NEO1: variants seen among roughly 807,000 people sequenced by gnomAD.
NEO1 encodes neogenin 1.
A neutral mutation model predicts 159.7 loss-of-function variants in NEO1; 63 were observed. That is an observed-to-expected ratio of 0.39 (90% CI 0.32 to 0.49). The LOEUF (loss-of-function observed/expected upper bound fraction) is 0.49, where lower values mean the gene tolerates loss of function less well. Ranked by LOEUF, NEO1 falls within the 20% of genes least tolerant of loss-of-function variation. The pLI is 0.85. For missense variants in NEO1, 1,615 were observed against 1,831.0 expected, an observed-to-expected ratio of 0.88 and a Z score of 2.15; for synonymous variants, 633 against 662.0, an observed-to-expected ratio of 0.96 and a Z score of 0.67.
At position 73,236,612 on chromosome 15, in the gene NEO1, T is replaced by C; in HGVS notation, c.1451+106T>C. 3.1e-6 allele frequency: 3 copies of C among 955,562 alleles called. No individual in the cohort carries two copies. The South Asian group carries it at 4.5e-5, about 14-fold the overall frequency. The allele number at this position is 955,562 out of a possible 1,614,324, so 59.2% of individuals were successfully genotyped here. ...CTGTACCAATTTTTAGTCCAGAAAA[T>C]AAGATCACTGAGATGCACCTTCCCT... On this transcript the variant is annotated intron_variant, in intron 8 of 28. Coordinates refer to ENST00000261908, the MANE Select transcript of NEO1 (RefSeq NM_002499.4).
At chr15:73,069,489 A>C (rs1022407394) in intron 1 of NEO1, among the ~76,000 whole-genome samples, 1 of 151,888 alleles carries the variant, frequency 6.6e-6, no homozygotes, top group Non-Finnish European at 1.5e-5. Context: ...AGATTGTTGA[A>C]TATCAATTAA....
At chr15:73,078,800 T>C (rs747789930) in intron 1 of NEO1, among the ~76,000 whole-genome samples, 3 of 152,258 alleles carry the variant, frequency 2.0e-5, no homozygotes, top group Admixed American at 6.5e-5. Context: ...GGTTAACCTC[T>C]CTGTGCTTTA....
At chr15:73,100,670 C>G (rs950274063) in intron 1 of NEO1, among the ~76,000 whole-genome samples, 1 of 152,140 alleles carries the variant, frequency 6.6e-6, no homozygotes, top group African/African-American at 2.4e-5. Flanking sequence ...TTGTCACTTT[C>G]AACTCATCTG....
At chr15:73,052,333 C>T (rs1049240067), upstream of NEO1, among the ~76,000 whole-genome samples, 13 of 144,916 alleles carry the variant, frequency 9.0e-5, no homozygotes, top group Admixed American at 4.8e-4. Flanking sequence ...CGTCCGCGGT[C>T]TCCGCCCCCC....
intron 7 of NEO1, among the ~76,000 whole-genome samples, chr15:73,203,388 T>C (rs929831717): frequency 5.3e-5 from 8 of 152,168 alleles, no homozygotes; most frequent in Non-Finnish European, 1.0e-4. Context: ...AGACAGCACA[T>C]AGTTTGTCTT....
At chr15:73,197,791 C>T (rs2036622293) in intron 7 of NEO1, among the ~76,000 whole-genome samples, 1 of 151,534 alleles carries the variant, frequency 6.6e-6, no homozygotes, top group South Asian at 2.1e-4. Flanking sequence ...AGATATTCTC[C>T]TGCCTCAGCC....
chr15:73,272,505 C>G lies in NEO1; in HGVS notation c.2908C>G (p.Pro970Ala). The part of the protein sequence containing the change: ...DVTVVSKEGK[P>A]KTIIVNWQPP... ...GACTGTTGTGAGTAAAGAGGGGAAACCTAAGACCATAATTGTGAATTGGCA... is the reference window on the plus strand; with the variant it reads ...GACTGTTGTGAGTAAAGAGGGGAAAGCTAAGACCATAATTGTGAATTGGCA... Residue 970 changes from proline to alanine, a missense_variant, in exon 19 of 29, where the codon CCT becomes GCT. Pro to Ala is a conservative substitution (Grantham distance 27). This residue lies in a region of NEO1 where 126 missense variants were observed against 216.7 expected (regional missense o/e 0.58). Transcript: ENST00000261908. 1.9e-6 allele frequency: 3 copies of G among 1,614,034 alleles called. No individual in the cohort carries two copies. The highest frequency in any genetic ancestry group is 2.5e-6 in the Non-Finnish European group (3 of 1,179,938).
At chr15:73,176,643 T>C in intron 6 of NEO1, 86 bp downstream of exon 6, 2 of 996,784 alleles carry the variant, frequency 2.0e-6, no homozygotes, top group Non-Finnish European at 2.8e-6. Context: ...TTATCTTATA[T>C]ATACTAGTTT....
chr15:73,278,925 C>T (rs142760902), intron 22 of NEO1, among the ~76,000 whole-genome samples: 56 of 152,242 alleles, frequency 3.7e-4, no homozygotes, highest in African/African-American at 1.2e-3. Context: ...CTGTACCAGA[C>T]GTGGGAACCT....
chr15:73,066,107 C>T (rs977424280), intron 1 of NEO1, among the ~76,000 whole-genome samples: 1 of 150,162 alleles, frequency 6.7e-6, no homozygotes. Flanking sequence ...TCTTGGCTCA[C>T]TGCAGGTTCA....
intron 1 of NEO1, among the ~76,000 whole-genome samples, chr15:73,100,860 A>G (rs1413938033): frequency 1.3e-5 from 2 of 152,012 alleles, no homozygotes; most frequent in Admixed American, 1.3e-4. Flanking sequence ...GCTATTTCAG[A>G]TGTTTTCCAC....
chr15:73,275,812 T>C (rs2041392381), intron 21 of NEO1, among the ~76,000 whole-genome samples: 1 of 152,210 alleles, frequency 6.6e-6, no homozygotes, highest in Non-Finnish European at 1.5e-5. Context: ...TTTTTATCTC[T>C]AGGAAGTCAG....
At chr15:73,106,272 C>T (rs1024894824) in intron 1 of NEO1, among the ~76,000 whole-genome samples, 8 of 152,028 alleles carry the variant, frequency 5.3e-5, no homozygotes, top group Admixed American at 2.0e-4. Context: ...TTTTAAAACA[C>T]ATTAATGAAG....
At chr15:73,094,075 A>T (rs1302809579) in intron 1 of NEO1, among the ~76,000 whole-genome samples, 1 of 152,054 alleles carries the variant, frequency 6.6e-6, no homozygotes, top group Non-Finnish European at 1.5e-5. Flanking sequence ...TATTTTTTTT[A>T]ATTGCGATAT....
intron 1 of NEO1, among the ~76,000 whole-genome samples, chr15:73,100,534 C>T (rs2070346426): frequency 6.6e-6 from 1 of 152,022 alleles, no homozygotes; most frequent in African/African-American, 2.4e-5. Flanking sequence ...GGGGTTTCGG[C>T]ATGTTGGCCA....
chr15:73,096,670 G>A (rs917967982), intron 1 of NEO1, among the ~76,000 whole-genome samples: 2 of 152,148 alleles, frequency 1.3e-5, no homozygotes, highest in Non-Finnish European at 2.9e-5. Context: ...CTCCCCCAGG[G>A]CAATACTCCT....
chr15:73,279,082 G>T (rs1321024083), intron 22 of NEO1, among the ~76,000 whole-genome samples: 5 of 152,124 alleles, frequency 3.3e-5, no homozygotes, highest in African/African-American at 1.2e-4. Context: ...TTAATCTCCA[G>T]CTATCTATTT....
intron 27 of NEO1, 95 bp from the exon 28 acceptor site, chr15:73,301,226 C>A: frequency 6.6e-7 from 1 of 1,520,950 alleles, no homozygotes; most frequent in Non-Finnish European, 8.9e-7. Context: ...CTGTATGTCT[C>A]TCTCACCCCG....
intron 7 of NEO1, among the ~76,000 whole-genome samples, chr15:73,197,930 C>T (rs1005327886): frequency 1.3e-5 from 2 of 152,102 alleles, no homozygotes; most frequent in South Asian, 4.2e-4. Context: ...ACCCACCTGC[C>T]TCAGCCTCCC....
Sources: allele counts gnomAD v4.1 joint callset (sites outside exome capture counted in the v4.1 genomes callset), GRCh38; gene constraint gnomAD v4.1.1; regional missense constraint gnomAD v4.1.1; transcripts MANE v1.5; gene names NCBI Gene and HGNC (gene_info 2026-07-23, HGNC 2026-07-21).